ROBO2: variants seen among roughly 807,000 people sequenced by gnomAD.
ROBO2 encodes the protein roundabout guidance receptor 2.
In ROBO2, 53 loss-of-function variants were observed where a neutral mutation model predicts 160.8. That is an observed-to-expected ratio of 0.33 (90% CI 0.26 to 0.41). The LOEUF is 0.41. Ranked by LOEUF, ROBO2 falls within the 10% of genes least tolerant of loss-of-function variation. The pLI is 1.00. For missense variants in ROBO2, 1,577 were observed against 1,722.4 expected (o/e 0.92, Z 1.49); for synonymous variants, 664 against 611.7 (o/e 1.09, Z -1.26).
chr3:76,327,683 AAG>A, intron 2 of ROBO2, among the ~76,000 whole-genome samples: 1 of 152,336 alleles, frequency 6.6e-6, no homozygotes, highest in African/African-American at 2.4e-5. Flanking sequence ...TTCACATTTT[AAG>A]AATTCCTATT....
intron 2 of ROBO2, among the ~76,000 whole-genome samples, chr3:76,508,617 TGTA>T (rs951510425): frequency 4.6e-4 from 70 of 152,314 alleles, no homozygotes; most frequent in African/African-American, 1.6e-3. Context: ...TTAGTACAAA[TGTA>T]GTAATCCTGA....
intron 2 of ROBO2, among the ~76,000 whole-genome samples, chr3:76,064,566 A>G (rs1289225384): frequency 6.6e-6 from 1 of 152,206 alleles, no homozygotes; most frequent in Non-Finnish European, 1.5e-5. Flanking sequence ...CTAATATATG[A>G]TTAGCTCTCT....
chr3:77,621,503 A>G (rs1361842014), intron 22 of ROBO2, among the ~76,000 whole-genome samples: 1 of 152,162 alleles, frequency 6.6e-6, no homozygotes, highest in African/African-American at 2.4e-5. Flanking sequence ...TAAGGTTGAG[A>G]TTAGAATTAT....
chr3:76,251,156 T>C (rs1029342253), intron 2 of ROBO2, among the ~76,000 whole-genome samples: 4 of 152,036 alleles, frequency 2.6e-5, no homozygotes, highest in East Asian at 1.9e-4. Flanking sequence ...CCATCTATAA[T>C]TGTATTCTTG....
At chr3:76,568,394 T>C (rs913161719) in intron 2 of ROBO2, among the ~76,000 whole-genome samples, 1 of 151,748 alleles carries the variant, frequency 6.6e-6, no homozygotes, top group East Asian at 1.9e-4. Flanking sequence ...GCCTCCCGGG[T>C]TCACACCATT....
At chr3:77,037,021 A>G (rs2063676494), upstream of ROBO2, among the ~76,000 whole-genome samples, 1 of 151,620 alleles carries the variant, frequency 6.6e-6, no homozygotes. Flanking sequence ...GTGTAATTGA[A>G]ATATGCACAT....
At chr3:77,461,621 A>G (rs1298267735) in intron 2 of ROBO2, among the ~76,000 whole-genome samples, 4 of 151,906 alleles carry the variant, frequency 2.6e-5, no homozygotes, top group Non-Finnish European at 5.9e-5. Flanking sequence ...AGAAAATAAT[A>G]TTTTATAATA....
At chr3:77,553,381 A>G (rs902286747) in intron 8 of ROBO2, among the ~76,000 whole-genome samples, 3 of 151,876 alleles carry the variant, frequency 2.0e-5, no homozygotes, top group African/African-American at 7.3e-5. Flanking sequence ...GAGACACAAC[A>G]GTATTGGAAT....
chr3:77,396,305 G>T (rs1272600673), intron 2 of ROBO2, among the ~76,000 whole-genome samples: 2 of 152,088 alleles, frequency 1.3e-5, no homozygotes, highest in Non-Finnish European at 2.9e-5. Context: ...AAACTAGGCA[G>T]TCTGTAATAC....
At chr3:76,404,327 A>G (rs911596545) in intron 2 of ROBO2, among the ~76,000 whole-genome samples, 3 of 151,718 alleles carry the variant, frequency 2.0e-5, no homozygotes, top group African/African-American at 7.2e-5. Context: ...TATATGTATG[A>G]AAGTAAGTCA....
At chr3:76,206,667 A>G (rs893141841) in intron 2 of ROBO2, among the ~76,000 whole-genome samples, 2 of 152,030 alleles carry the variant, frequency 1.3e-5, no homozygotes, top group Non-Finnish European at 2.9e-5. Flanking sequence ...AGTCTTGGGT[A>G]TTTCCTTCAT....
chr3:77,471,810 A>G (rs2083377505), intron 2 of ROBO2, among the ~76,000 whole-genome samples: 1 of 152,138 alleles, frequency 6.6e-6, no homozygotes. Context: ...TTAGAAGAAT[A>G]AGTGATTTTT....
chr3:76,199,663 T>C (rs1192495428), intron 2 of ROBO2, among the ~76,000 whole-genome samples: 1 of 152,096 alleles, frequency 6.6e-6, no homozygotes, highest in Non-Finnish European at 1.5e-5. Flanking sequence ...CCACAAGCTA[T>C]TCAGCAGTTG....
chr3:77,287,432 T>TG (rs1175260608), intron 2 of ROBO2, among the ~76,000 whole-genome samples: 2 of 152,270 alleles, frequency 1.3e-5, no homozygotes, highest in East Asian at 1.9e-4. Context: ...AACATTTTTT[T>TG]TCCATTAAAA....
intron 2 of ROBO2, among the ~76,000 whole-genome samples, chr3:77,130,873 T>C (rs2075793978): frequency 6.6e-6 from 1 of 152,210 alleles, no homozygotes; most frequent in Admixed American, 6.5e-5. Context: ...TTCCATCATT[T>C]ATATATGAAT....
In ROBO2 at chr3:76,391,362, G is replaced by A. The variant is rs148258236; in HGVS notation, c.109+453760G>A. Among the ~76,000 whole-genome samples the A allele has an allele frequency of 5.1e-3, 774 of 152,200 alleles. 5 individuals are homozygous for A. The highest frequency in any genetic ancestry group is 9.4e-3 in the Non-Finnish European group (639 of 67,992). ...TAGTTTAATAACATCTGCAACGGACGGAGCCAGTCTGCATTCCACATATAT... is the reference window on the plus strand; with the variant it reads ...TAGTTTAATAACATCTGCAACGGACAGAGCCAGTCTGCATTCCACATATAT... On this transcript the variant is annotated intron_variant, in intron 2 of 26. Coordinates refer to the ROBO2 transcript ENST00000487694.
intron 2 of ROBO2, among the ~76,000 whole-genome samples, chr3:76,251,748 G>A (rs1706016135): frequency 6.6e-6 from 1 of 152,048 alleles, no homozygotes; most frequent in East Asian, 1.9e-4. Flanking sequence ...GAATTAGTTT[G>A]AAGCTAGGAT....
intron 2 of ROBO2, among the ~76,000 whole-genome samples, chr3:76,073,589 CAG>C (rs1358001599): frequency 1.3e-5 from 2 of 152,088 alleles, no homozygotes; most frequent in South Asian, 2.1e-4. Flanking sequence ...CCGCGCCCGG[CAG>C]AGTATTCTTC....
chr3:77,157,867 G>T (rs1053344091), intron 2 of ROBO2, among the ~76,000 whole-genome samples: 1 of 152,008 alleles, frequency 6.6e-6, no homozygotes, highest in African/African-American at 2.4e-5. Flanking sequence ...AAATTTCTCA[G>T]GGGAGTTGTG....
Sources: allele counts gnomAD v4.1 joint callset (sites outside exome capture counted in the v4.1 genomes callset), GRCh38; gene constraint gnomAD v4.1.1; transcripts MANE v1.5; gene names NCBI Gene and HGNC (gene_info 2026-07-23, HGNC 2026-07-21).